The following DYNC1LI1 variants were observed in gnomAD, a reference collection of about 807,000 sequenced individuals.
DYNC1LI1 encodes the protein dynein cytoplasmic 1 light intermediate chain 1, also known as cytoplasmic dynein 1 light intermediate chain 1.
Under a neutral mutation model 63.8 loss-of-function variants are expected in DYNC1LI1, and 19 were observed. That is an observed-to-expected ratio of 0.30 (90% confidence interval 0.21 to 0.44). The LOEUF is 0.44. DYNC1LI1 is among the 20% of genes least tolerant of loss of function. The probability of loss-of-function intolerance (pLI) is 1.00; values close to 1 mark genes in which losing one functional copy is unlikely to be tolerated. For missense variants in DYNC1LI1, 565 were observed against 630.2 expected (o/e 0.90, Z 1.11); for synonymous variants, 225 against 232.3 (o/e 0.97, Z 0.28).
In DYNC1LI1 at chr3:32,544,926, A is replaced by G. The variant is rs1247606142; in HGVS notation, c.518T>C (p.Val173Ala). 2 of 1,614,048 alleles carry G rather than the reference A, an allele frequency of 1.2e-6. No individual in the cohort carries two copies. The highest frequency in any genetic ancestry group is 1.7e-6 in the Non-Finnish European group (2 of 1,179,986). ...TTCAGGAGGGATTTTCAGTTTGTCA[A>G]CATGTTCTCTAACAACACTTGCCCA... ...QKWASVVREH[V>A]DKLKIPPEEM... is the part of the protein sequence containing the mutation. Residue 173 changes from valine to alanine, a missense_variant, in exon 4 of 13, where the codon GTT becomes GCT. Transcript: ENST00000273130.
At position 32,528,514 on chromosome 3, in the gene DYNC1LI1, C is replaced by T; in HGVS notation, c.1394G>A (p.Ser465Asn). The T allele has an allele frequency of 6.2e-7, 1 of 1,614,192 alleles. No homozygotes were observed. Among genetic ancestry groups the T allele is most frequent in the Non-Finnish European group, 8.5e-7 (1 of 1,180,016 alleles). Residue 465 changes from serine (S) to asparagine (N), a missense_variant, in exon 12 of 13, where the codon AGT (serine) becomes AAT (asparagine). Physicochemically the swap from Ser to Asn is conservative, Grantham distance 46. Transcript: ENST00000273130. Reference protein sequence around the residue: ...KTGSPGGPGVSGGSPAGGAGG... With the variant: ...KTGSPGGPGVNGGSPAGGAGG... The stretch of plus-strand genomic sequence containing the variant: ...AGCCCCACCTGCAGGGCTACCACCA[C>T]TCACACCAGGGCCTCCTGGAGAGCC...
chr3:32,540,105 G>C (rs1411673112), intron 5 of DYNC1LI1, among the ~76,000 whole-genome samples: 3 of 149,754 alleles, frequency 2.0e-5, no homozygotes. Flanking sequence ...TCCTGACCTC[G>C]TGATCCACCC....
rs187644752 is a variant in DYNC1LI1 at position 32,542,735 on chromosome 3, T to C, written c.569-1529A>G. ...TTCAATTTTCAAAAAACAAAGAATG[T>C]ACATTATTACTTACTTAGAAAAAAA... is the stretch of plus-strand genomic sequence containing the variant. On this transcript the variant is annotated intron_variant, in intron 4 of 12. Coordinates refer to ENST00000273130, the MANE Select transcript of DYNC1LI1 (RefSeq NM_016141.4). 2.9e-3 allele frequency among the ~76,000 whole-genome samples: 435 copies of C among 152,300 alleles called. 4 individuals are homozygous for C. The highest frequency in any genetic ancestry group is 0.01 in the African/African-American group (421 of 41,578).
At chr3:32,551,256 C>T (rs1304102837) in intron 2 of DYNC1LI1, among the ~76,000 whole-genome samples, 2 of 152,140 alleles carry the variant, frequency 1.3e-5, no homozygotes, top group South Asian at 2.1e-4. Context: ...AAAGGTAACG[C>T]TTTAGTCAAA....
In DYNC1LI1 at chr3:32,545,413, C is replaced by T. The variant is rs1277617068; in HGVS notation, c.338-307G>A. ...GATGCATAACTTGTTTATGTTTTTA[C>T]CATCAGCAGATAGAGATATGCATAC... On this transcript the variant is annotated intron_variant, in intron 3 of 12. Transcript: ENST00000273130. 4.4e-5 allele frequency: 18 copies of T among 407,208 alleles called. 1 individual carries two copies. The East Asian group carries it at 7.5e-4, about 17-fold the overall frequency. 25.2% of individuals were successfully genotyped at this position (407,208 alleles called of 1,614,324 possible).
chr3:32,533,939 C>A (rs922058756), intron 7 of DYNC1LI1, among the ~76,000 whole-genome samples: 1 of 143,276 alleles, frequency 7.0e-6, no homozygotes, highest in African/African-American at 2.6e-5. Flanking sequence ...TGAAGTGGTG[C>A]GATTTCGGTT....
rs772462231 is a variant in DYNC1LI1 at position 32,562,303 on chromosome 3, T to TA, written c.220+8042dup. Among the ~76,000 whole-genome samples, 146 of 152,262 alleles carry TA rather than the reference T, an allele frequency of 9.6e-4. 1 individual carries two copies. Among genetic ancestry groups the TA allele is most frequent in the African/African-American group, 3.0e-3 (126 of 41,552 alleles). Reference sequence around the variant, plus strand: ...AAATAAATAAGAAAAAATGAACACTTACCTCTACGTGGTAGGATCATGCAT... The same window carrying TA: ...AAATAAATAAGAAAAAATGAACACTTAACCTCTACGTGGTAGGATCATGCAT... On this transcript the variant is annotated intron_variant, in intron 2 of 12. Transcript: ENST00000273130.
chr3:32,535,893 T>C (rs1697767982), intron 6 of DYNC1LI1, among the ~76,000 whole-genome samples: 1 of 152,160 alleles, frequency 6.6e-6, no homozygotes, highest in African/African-American at 2.4e-5. Context: ...AAGTATAGCA[T>C]TAAATAAATG....
intron 10 of DYNC1LI1, 89 bp downstream of exon 10, chr3:32,530,195 C>A (rs1697676426): frequency 1.9e-6 from 2 of 1,029,718 alleles, no homozygotes; most frequent in Non-Finnish European, 2.8e-6. Flanking sequence ...CAAAGCACAC[C>A]CATATGAAAT....
chr3:32,570,154 G>C (rs1019967477), intron 2 of DYNC1LI1, 192 bp downstream of exon 2: 20 of 697,270 alleles, frequency 2.9e-5, no homozygotes, highest in Middle Eastern at 2.3e-4. Flanking sequence ...AGGGAGGGCG[G>C]GTCCCCGCAG....
At chr3:32,540,330 A>G (rs1697863237) in intron 5 of DYNC1LI1, among the ~76,000 whole-genome samples, 1 of 152,176 alleles carries the variant, frequency 6.6e-6, no homozygotes. Context: ...GTGCTGCTAC[A>G]TGTTTAAAAG....
chr3:32,543,647 C>T (rs1241712737), intron 4 of DYNC1LI1, among the ~76,000 whole-genome samples: 1 of 150,482 alleles, frequency 6.6e-6, no homozygotes, highest in Non-Finnish European at 1.5e-5. Flanking sequence ...ACCTCGTGAT[C>T]CACCTGCTTC....
chr3:32,538,106 G>C (rs1251443247), intron 5 of DYNC1LI1, among the ~76,000 whole-genome samples: 1 of 56,928 alleles, frequency 1.8e-5, no homozygotes, highest in Non-Finnish European at 3.3e-5. Context: ...ATATAAAATA[G>C]CAAAAAAAAA....
intron 2 of DYNC1LI1, among the ~76,000 whole-genome samples, chr3:32,565,731 T>TC (rs1698249647): frequency 6.6e-6 from 1 of 152,118 alleles, no homozygotes; most frequent in Admixed American, 6.5e-5. Flanking sequence ...TGCCTCAGCC[T>TC]CCTGAGTAGC....
chr3:32,560,156 CA>C (rs1405397655), intron 2 of DYNC1LI1, among the ~76,000 whole-genome samples: 6 of 152,148 alleles, frequency 3.9e-5, no homozygotes, highest in Non-Finnish European at 7.4e-5. Context: ...AGCTGAAGGC[CA>C]GGCGTGGTGG....
intron 2 of DYNC1LI1, among the ~76,000 whole-genome samples, chr3:32,559,557 T>C (rs992241652): frequency 6.6e-6 from 1 of 152,118 alleles, no homozygotes; most frequent in African/African-American, 2.4e-5. Context: ...TTGTAACTTA[T>C]ACAGCAGTTT....
chr3:32,528,326 G>A, intron 12 of DYNC1LI1, 120 bp downstream of exon 12: 3 of 1,056,152 alleles, frequency 2.8e-6, no homozygotes, highest in Non-Finnish European at 4.2e-6. Context: ...TATGGTGATG[G>A]CCTGCCCAAC....
chr3:32,546,745 G>C (rs1697960100), intron 2 of DYNC1LI1, among the ~76,000 whole-genome samples: 1 of 152,142 alleles, frequency 6.6e-6, no homozygotes, highest in Non-Finnish European at 1.5e-5. Context: ...CATCAGGACA[G>C]GGAACTGTGA....
At chr3:32,567,531 T>TTTGGTTTTATTTA (rs1698283789) in intron 2 of DYNC1LI1, among the ~76,000 whole-genome samples, 1 of 148,024 alleles carries the variant, frequency 6.8e-6, no homozygotes, top group Non-Finnish European at 1.5e-5. Flanking sequence ...TTTTATTTTA[T>TTTGGTTTTATTTA]TTATTATTAT....
Sources: gnomAD v4.1 joint callset for allele counts (sites outside exome capture counted in the v4.1 genomes callset) on GRCh38, gnomAD v4.1.1 for gene constraint, MANE v1.5 for transcripts, NCBI Gene and HGNC (gene_info 2026-07-23, HGNC 2026-07-21) for gene names.